Variants in COL9A1 observed in about 807,000 individuals in gnomAD.
COL9A1 encodes collagen type IX alpha 1 chain, also known as collagen alpha-1(IX) chain.
A neutral mutation model predicts 142.6 loss-of-function variants in COL9A1; 104 were observed. That is an observed-to-expected ratio of 0.73 (90% CI 0.62 to 0.86). The LOEUF is 0.86. Ranked by LOEUF, COL9A1 falls within the 40% of genes least tolerant of loss-of-function variation. COL9A1 has a pLI of 0.00. For synonymous variants in COL9A1, 466 were observed against 396.0 expected, an observed-to-expected ratio of 1.18 and a Z score of -2.10; for missense variants, 1,210 against 1,176.6, an observed-to-expected ratio of 1.03 and a Z score of -0.42.
intron 10 of COL9A1, among the ~76,000 whole-genome samples, chr6:70,277,486 A>C (rs1772845569): frequency 1.3e-5 from 2 of 152,236 alleles, no homozygotes; most frequent in African/African-American, 4.8e-5. Context: ...TAAAAGAAGA[A>C]AACATTACCA....
In COL9A1 at chr6:70,255,279, A is replaced by G. The variant is rs560604006; in HGVS notation, c.1557+58T>C. On this transcript the variant is annotated intron_variant, in intron 22 of 37. Coordinates refer to ENST00000357250, the MANE Select transcript of COL9A1 (RefSeq NM_001851.6). ...ACTTAGACTTGTCAAAGAGATCAGC[A>G]TAATCAGCAGATGACACTGAAAAGC... The G allele has an allele frequency of 6.2e-6, 10 of 1,608,542 alleles. No individual in the cohort carries two copies. The African/African-American group carries it at 1.2e-4, about 19-fold the overall frequency.
intron 19 of COL9A1, among the ~76,000 whole-genome samples, chr6:70,261,266 G>T (rs1433210625): frequency 2.0e-5 from 3 of 152,052 alleles, no homozygotes; most frequent in African/African-American, 7.2e-5. Context: ...CCAACTCGGG[G>T]CAATAGGAAC....
Position 70,300,025 on chromosome 6 carries a change from A to C in COL9A1, c.299+18T>G, listed in dbSNP as rs1230656104. ...ATTTGAGTCAGATAATTAGATTAAA[A>C]TATTTTTGATAGATTACCTAGTTGG... On this transcript the variant is annotated intron_variant, in intron 4 of 37. Coordinates refer to ENST00000357250, the MANE Select transcript of COL9A1 (RefSeq NM_001851.6). 6.2e-7 allele frequency: 1 copy of C among 1,612,016 alleles called. No individual in the cohort carries two copies. The highest frequency in any genetic ancestry group is 8.5e-7 in the Non-Finnish European group (1 of 1,178,166).
chr6:70,278,587 CCT>C (rs968073020), intron 10 of COL9A1, among the ~76,000 whole-genome samples: 1 of 152,126 alleles, frequency 6.6e-6, no homozygotes, highest in African/African-American at 2.4e-5. Context: ...TCTCCCCTTT[CCT>C]CTCTTTCTCT....
At chr6:70,257,231 T>G (rs1473525217) in intron 20 of COL9A1, among the ~76,000 whole-genome samples, 3 of 152,072 alleles carry the variant, frequency 2.0e-5, no homozygotes, top group Non-Finnish European at 4.4e-5. Flanking sequence ...CAGCTAATTT[T>G]TGTATTTTTA....
chr6:70,273,965 A>T (rs1456780948), intron 12 of COL9A1, 82 bp downstream of exon 12: 1 of 705,478 alleles, frequency 1.4e-6, no homozygotes, highest in Admixed American at 4.0e-5. Flanking sequence ...ATAAATAAAT[A>T]AATAAATAAA....
chr6:70,258,083 C>T (rs1413308362), intron 20 of COL9A1, among the ~76,000 whole-genome samples: 3 of 152,178 alleles, frequency 2.0e-5, no homozygotes, highest in Non-Finnish European at 4.4e-5. Context: ...TCTGATGTGG[C>T]TAACATATTG....
intron 31 of COL9A1, 80 bp downstream of exon 31, chr6:70,241,339 T>C: frequency 8.6e-7 from 1 of 1,163,500 alleles, no homozygotes; most frequent in Non-Finnish European, 1.3e-6. Flanking sequence ...TTAACCCCCA[T>C]AAACCAGCCA....
In COL9A1 at chr6:70,233,866, C is replaced by G. The variant is rs552646388; in HGVS notation, c.2314+673G>C. Reference sequence around the variant, plus strand: ...AGTTAGCTACACCAGAATACTGTAACTAGCTATGGGCTTCAGTGTTACAGA... The same window carrying G: ...AGTTAGCTACACCAGAATACTGTAAGTAGCTATGGGCTTCAGTGTTACAGA... On this transcript the variant is annotated intron_variant, in intron 35 of 37. Transcript: ENST00000357250. Among the ~76,000 whole-genome samples the G allele has an allele frequency of 3.3e-5, 5 of 152,326 alleles. 1 individual carries two copies. In the South Asian group the frequency reaches 1.0e-3, roughly 32 times the overall value.
At chr6:70,299,480 T>C (rs1423228051) in intron 4 of COL9A1, among the ~76,000 whole-genome samples, 1 of 152,174 alleles carries the variant, frequency 6.6e-6, no homozygotes, top group Non-Finnish European at 1.5e-5. Flanking sequence ...TACCTCAGTT[T>C]TAAATAAAGA....
At chr6:70,230,515 T>A (rs1315069900) in intron 36 of COL9A1, among the ~76,000 whole-genome samples, 8 of 152,138 alleles carry the variant, frequency 5.3e-5, no homozygotes, top group Non-Finnish European at 1.0e-4. Context: ...TAAGAGGAAA[T>A]ACCTCACATG....
At chr6:70,302,130 C>T in intron 1 of COL9A1, 56 bp from the exon 2 acceptor site, 2 of 1,096,332 alleles carry the variant, frequency 1.8e-6, no homozygotes, top group Non-Finnish European at 2.8e-6. Flanking sequence ...ATGGAAAACA[C>T]TTCCATATTT....
At position 70,255,027 on chromosome 6, in the gene COL9A1, A is replaced by G. The variant is rs778507096; in HGVS notation, c.1612-11T>C. ...CACACCTGGCAAACCCTAAACACAC[A>G]CAAAGAAACATACTGTCTCTTACAC... On this transcript the variant is annotated splice_polypyrimidine_tract_variant and intron_variant, in intron 23 of 37. Transcript: ENST00000357250. The G allele has an allele frequency of 1.2e-6, 2 of 1,614,048 alleles. No homozygotes were observed. Among genetic ancestry groups the G allele is most frequent in the Non-Finnish European group, 1.7e-6 (2 of 1,179,930 alleles).
chr6:70,245,371 T>C (rs936859016), intron 28 of COL9A1, among the ~76,000 whole-genome samples: 2 of 152,226 alleles, frequency 1.3e-5, no homozygotes, highest in African/African-American at 2.4e-5. Context: ...ATCCTACTGC[T>C]GAAGGTCATC....
rs1771207321 is a variant in COL9A1 at position 70,255,271 on chromosome 6, A to T, written c.1557+66T>A. The T allele has an allele frequency of 1.6e-5, 25 of 1,608,226 alleles. No individual in the cohort carries two copies. The South Asian group carries it at 2.5e-4, about 16-fold the overall frequency. The stretch of plus-strand genomic sequence containing the variant: ...AACATAATACTTAGACTTGTCAAAG[A>T]GATCAGCATAATCAGCAGATGACAC... On this transcript the variant is annotated intron_variant, in intron 22 of 37. Transcript: ENST00000357250.
At position 70,287,503 on chromosome 6, in the gene COL9A1, G is replaced by A. The variant is rs192344159; in HGVS notation, c.697-3683C>T. Among the ~76,000 whole-genome samples the A allele has an allele frequency of 3.8e-3, 571 of 152,170 alleles. 14 individuals carry two copies. Among genetic ancestry groups the A allele is most frequent in the Admixed American group, 0.034 (526 of 15,288 alleles). ...GTGTTACACTCTGAACTATGATGAGGCATCCTAAGTTATCTGTCAGATAAA... is the reference window on the plus strand; with the variant it reads ...GTGTTACACTCTGAACTATGATGAGACATCCTAAGTTATCTGTCAGATAAA... On this transcript the variant is annotated intron_variant, in intron 5 of 37. Transcript: ENST00000357250.
At chr6:70,290,648 G>C (rs948348990) in intron 5 of COL9A1, among the ~76,000 whole-genome samples, 20 of 152,034 alleles carry the variant, frequency 1.3e-4, no homozygotes, top group African/African-American at 4.6e-4. Context: ...CTTAGCATCA[G>C]TGATCTATCA....
intron 24 of COL9A1, 101 bp downstream of exon 24, chr6:70,254,862 G>A: frequency 1.8e-6 from 2 of 1,122,328 alleles, no homozygotes; most frequent in African/African-American, 1.5e-5. Flanking sequence ...GCCAAAGCTA[G>A]CTAAATAAAT....
rs1487913039 is a variant in COL9A1, at chr6:70,228,628, CAGAT to C, written c.2504-2623_2504-2620del. 1.1e-4 allele frequency among the ~76,000 whole-genome samples: 17 copies of C among 152,092 alleles called. 1 individual carries two copies. Among genetic ancestry groups the C allele is most frequent in the Non-Finnish European group, 2.2e-4 (15 of 67,970 alleles). ...AAATATCTGTATAACCATCTGCACT[CAGAT>C]AGTCAAAGATCTCTAATTCTGAAGT... On this transcript the variant is annotated intron_variant, in intron 36 of 37. Transcript: ENST00000357250.
Sources: gnomAD v4.1 joint callset for allele counts (sites outside exome capture counted in the v4.1 genomes callset) on GRCh38, gnomAD v4.1.1 for gene constraint, MANE v1.5 for transcripts, NCBI Gene and HGNC (gene_info 2026-07-23, HGNC 2026-07-21) for gene names.